VRK2: variants seen among roughly 807,000 people sequenced by gnomAD.
The protein encoded by VRK2 is serine/threonine-protein kinase VRK2.
Under a neutral mutation model 57.6 loss-of-function variants are expected in VRK2, and 60 were observed. The observed-to-expected ratio is 1.04, with a 90% CI of 0.85 to 1.29. VRK2 has a LOEUF of 1.29. VRK2 is among the 50% of genes most tolerant of loss of function. The pLI, the probability that VRK2 is intolerant of heterozygous loss-of-function variation, is 0.00. For synonymous variants in VRK2, 231 were observed against 199.2 expected (o/e 1.16, Z -1.35); for missense variants, 705 against 588.1 (o/e 1.20, Z -2.06).
intron 5 of VRK2, 66 bp from the exon 6 acceptor site, chr2:58,088,275 A>G: frequency 8.4e-7 from 1 of 1,187,654 alleles, no homozygotes; most frequent in Non-Finnish European, 1.2e-6. Context: ...CTTGTTTCAA[A>G]TTAAATAGAC....
chr2:57,994,251 C>T (rs1244128749), intron 1 of VRK2, among the ~76,000 whole-genome samples: 1 of 152,102 alleles, frequency 6.6e-6, no homozygotes, highest in African/African-American at 2.4e-5. Context: ...AAATCTGTAA[C>T]TTTGCCAGGA....
At chr2:58,030,848 G>A (rs1050776030) in intron 2 of VRK2, among the ~76,000 whole-genome samples, 8 of 152,070 alleles carry the variant, frequency 5.3e-5, no homozygotes, top group African/African-American at 1.7e-4. Context: ...TGCAACTTCT[G>A]TCGTGTTCTT....
At chr2:58,061,331 AAAATG>A (rs1277788866) in intron 2 of VRK2, among the ~76,000 whole-genome samples, 1 of 151,978 alleles carries the variant, frequency 6.6e-6, no homozygotes. Flanking sequence ...AATTTGTGGT[AAAATG>A]AAATAAGTAT....
intron 9 of VRK2, 164 bp downstream of exon 9, chr2:58,132,092 T>A: frequency 1.4e-6 from 1 of 730,334 alleles, no homozygotes; most frequent in Non-Finnish European, 2.1e-6. Context: ...AACTAACACA[T>A]AAAATCCATT....
intron 10 of VRK2, among the ~76,000 whole-genome samples, chr2:58,136,907 A>ATATATTATATATCATATGTG (rs70954877): frequency 7.8e-6 from 1 of 127,592 alleles, no homozygotes; most frequent in African/African-American, 3.2e-5. Flanking sequence ...TATATATCAT[A>ATATATTATATATCATATGTG]TATATATCAT....
At chr2:57,973,611 G>A (rs1372696457) in intron 1 of VRK2, among the ~76,000 whole-genome samples, 1 of 151,700 alleles carries the variant, frequency 6.6e-6, no homozygotes, top group African/African-American at 2.4e-5. Flanking sequence ...TTATCTAGCA[G>A]CACTGTCAAA....
chr2:58,051,285 T>C (rs1675700219), intron 2 of VRK2, among the ~76,000 whole-genome samples: 1 of 152,160 alleles, frequency 6.6e-6, no homozygotes, highest in African/African-American at 2.4e-5. Context: ...TACACACCAC[T>C]GAGGAAGGAC....
At chr2:58,052,122 A>G (rs1397958895) in intron 2 of VRK2, among the ~76,000 whole-genome samples, 1 of 152,220 alleles carries the variant, frequency 6.6e-6, no homozygotes, top group Non-Finnish European at 1.5e-5. Context: ...CATTAGGCAT[A>G]TCTGACCTGA....
chr2:58,156,339 T>TTTTG (rs1454056828), intron 12 of VRK2, among the ~76,000 whole-genome samples: 1 of 152,180 alleles, frequency 6.6e-6, no homozygotes, highest in African/African-American at 2.4e-5. Context: ...TAAGGATGGC[T>TTTTG]GTCTTTTGTT....
chr2:58,027,910 G>A (rs545560931), intron 2 of VRK2, among the ~76,000 whole-genome samples: 1 of 152,176 alleles, frequency 6.6e-6, no homozygotes, highest in African/African-American at 2.4e-5. Context: ...CTTAAGAAGA[G>A]GAATTGAATG....
chr2:57,910,909 T>C (rs1181098408), intron 1 of VRK2, among the ~76,000 whole-genome samples: 6 of 152,190 alleles, frequency 3.9e-5, no homozygotes, highest in African/African-American at 1.4e-4. Context: ...AAGTCTGCTA[T>C]GGCCCAGGAA....
intron 12 of VRK2, 71 bp downstream of exon 12, chr2:58,146,545 A>C: frequency 1.3e-6 from 2 of 1,519,126 alleles, no homozygotes; most frequent in Admixed American, 2.0e-5. Context: ...GGGAATAAAA[A>C]CATCTTATTT....
chr2:58,004,268 G>C (rs1374604118), intron 1 of VRK2, among the ~76,000 whole-genome samples: 1 of 152,056 alleles, frequency 6.6e-6, no homozygotes, highest in Non-Finnish European at 1.5e-5. Flanking sequence ...TACCAAGGTA[G>C]TTCTTGAAGC....
intron 1 of VRK2, among the ~76,000 whole-genome samples, chr2:58,021,114 C>G (rs1673741898): frequency 6.6e-6 from 1 of 152,128 alleles, no homozygotes; most frequent in African/African-American, 2.4e-5. Context: ...CTAAACAGCT[C>G]TATTGTGATA....
chr2:58,082,160 T>C (rs1227054431), intron 2 of VRK2, among the ~76,000 whole-genome samples: 1 of 151,818 alleles, frequency 6.6e-6, no homozygotes, highest in Non-Finnish European at 1.5e-5. Flanking sequence ...TTCAGGTATG[T>C]GTCAACACAT....
At chr2:58,088,514 C>G (rs1437761578) in intron 6 of VRK2, 68 bp downstream of exon 6, 2 of 1,189,490 alleles carry the variant, frequency 1.7e-6, no homozygotes, top group African/African-American at 1.5e-5. Context: ...GAAATCTTTT[C>G]CCTTTGTGGA....
intron 7 of VRK2, among the ~76,000 whole-genome samples, chr2:58,096,209 A>G (rs1023961123): frequency 2.6e-5 from 4 of 152,072 alleles, no homozygotes; most frequent in Non-Finnish European, 5.9e-5. Flanking sequence ...TCATATTGAT[A>G]TTCGTAAGTG....
intron 1 of VRK2, among the ~76,000 whole-genome samples, chr2:57,956,600 G>A (rs1671593320): frequency 6.6e-6 from 1 of 151,930 alleles, no homozygotes; most frequent in Non-Finnish European, 1.5e-5. Context: ...ATTAAGTTTG[G>A]GGAATCCATT....
intron 1 of VRK2, among the ~76,000 whole-genome samples, chr2:57,938,112 G>A (rs900555201): frequency 2.0e-5 from 3 of 152,096 alleles, no homozygotes; most frequent in African/African-American, 7.2e-5. Context: ...TTAATGGCGT[G>A]AGCCACTGCA....
Sources: allele counts gnomAD v4.1 joint callset (sites outside exome capture counted in the v4.1 genomes callset), GRCh38; gene constraint gnomAD v4.1.1; transcripts MANE v1.5; gene names NCBI Gene and HGNC (gene_info 2026-07-23, HGNC 2026-07-21).